Variants in ALPK2 observed in about 807,000 individuals in gnomAD.
ALPK2 encodes the protein alpha kinase 2.
A neutral mutation model predicts 163.1 loss-of-function variants in ALPK2; 127 were observed. The observed-to-expected ratio is 0.78, with a 90% CI of 0.67 to 0.90. The LOEUF (loss-of-function observed/expected upper bound fraction) is 0.90, where lower values mean the gene tolerates loss of function less well. Ranked by LOEUF, ALPK2 falls within the 40% of genes least tolerant of loss-of-function variation. ALPK2 has a pLI of 0.00. For missense variants in ALPK2, 2,360 were observed against 2,589.6 expected (o/e 0.91, Z 1.92); for synonymous variants, 953 against 959.1 (o/e 0.99, Z 0.12).
intron 12 of ALPK2, among the ~76,000 whole-genome samples, chr18:58,484,874 A>G (rs1023570478): frequency 9.2e-5 from 14 of 152,204 alleles, no homozygotes; most frequent in Non-Finnish European, 1.6e-4. Flanking sequence ...TCGTGTTGTT[A>G]TAATTATCAA....
chr18:58,534,562 T>A (rs567183092), intron 5 of ALPK2, among the ~76,000 whole-genome samples: 44 of 152,226 alleles, frequency 2.9e-4, no homozygotes, highest in Non-Finnish European at 5.0e-4. Context: ...CCTTTATCAG[T>A]GGTTCTCAAT....
At chr18:58,538,286 A>C in intron 4 of ALPK2, 62 bp from the exon 5 acceptor site, 2 of 1,406,680 alleles carry the variant, frequency 1.4e-6, no homozygotes, top group Non-Finnish European at 1.9e-6. Flanking sequence ...ATAGGGCATA[A>C]CTGCAATCCC....
At chr18:58,534,481 T>C (rs1424376854) in intron 5 of ALPK2, among the ~76,000 whole-genome samples, 1 of 152,250 alleles carries the variant, frequency 6.6e-6, no homozygotes, top group African/African-American at 2.4e-5. Flanking sequence ...AAATAGATTT[T>C]GTAAAAGAGG....
intron 9 of ALPK2, 104 bp downstream of exon 9, chr18:58,516,804 C>T: frequency 1.5e-6 from 2 of 1,339,504 alleles, no homozygotes; most frequent in African/African-American, 1.5e-5. Context: ...AGGAAAAACA[C>T]CCTTTTGAAG....
intron 10 of ALPK2, among the ~76,000 whole-genome samples, chr18:58,504,522 C>T (rs1259258210): frequency 6.6e-6 from 1 of 152,214 alleles, no homozygotes; most frequent in Non-Finnish European, 1.5e-5. Context: ...ATCCTTCCTT[C>T]CTTTCATCCA....
intron 12 of ALPK2, among the ~76,000 whole-genome samples, chr18:58,488,501 CA>C (rs1184232940): frequency 6.7e-6 from 1 of 149,004 alleles, no homozygotes; most frequent in African/African-American, 2.5e-5. Flanking sequence ...ACCTGGAGAG[CA>C]GGGGTGGAGG....
intron 1 of ALPK2, among the ~76,000 whole-genome samples, chr18:58,624,772 G>C (rs559885119): frequency 2.6e-5 from 4 of 152,098 alleles, no homozygotes; most frequent in Non-Finnish European, 5.9e-5. Context: ...TTTCTTTGTT[G>C]CTTCTAGAAG....
chr18:58,573,244 G>GTGTATATA (rs1248418389), intron 4 of ALPK2, among the ~76,000 whole-genome samples: 2 of 143,756 alleles, frequency 1.4e-5, no homozygotes, highest in African/African-American at 2.6e-5. Flanking sequence ...GTGTATATAT[G>GTGTATATA]TGTATATATG....
At chr18:58,571,915 G>A (rs1397935567) in intron 4 of ALPK2, among the ~76,000 whole-genome samples, 2 of 142,094 alleles carry the variant, frequency 1.4e-5, no homozygotes, top group Non-Finnish European at 3.0e-5. Flanking sequence ...GGCGGAGGTT[G>A]CAGTCAGCCA....
intron 6 of ALPK2, 169 bp downstream of exon 6, chr18:58,528,922 C>G: frequency 1.2e-6 from 1 of 814,044 alleles, no homozygotes; most frequent in Non-Finnish European, 1.9e-6. Flanking sequence ...TTTTCCCCAT[C>G]CAGACACTTG....
chr18:58,528,325 A>T (rs914321645), intron 6 of ALPK2, among the ~76,000 whole-genome samples: 3 of 152,182 alleles, frequency 2.0e-5, no homozygotes, highest in Non-Finnish European at 4.4e-5. Flanking sequence ...TGAGGCCAGG[A>T]GTTCAAGACC....
Position 58,580,076 on chromosome 18 carries a change from T to C in ALPK2, c.700A>G (p.Thr234Ala). Residue 234 changes from threonine (T) to alanine (A), a missense_variant, in exon 4 of 13, where the codon ACA (threonine) becomes GCA (alanine). Physicochemically the swap from Thr to Ala is moderately conservative, Grantham distance 58 (BLOSUM62 0). Coordinates refer to ENST00000361673, the MANE Select transcript of ALPK2 (RefSeq NM_052947.4). ...YEKQDRCCHK[T>A]VHSMASKFTD... ...AACTTTGATGCCATGGAATGCACTG[T>C]CTTGTGGCAACATCTGTCTTGTTTT... The C allele has an allele frequency of 6.2e-7, 1 of 1,614,270 alleles. No individual in the cohort carries two copies. Among genetic ancestry groups the C allele is most frequent in the Non-Finnish European group, 8.5e-7 (1 of 1,180,050 alleles).
Position 58,535,863 on chromosome 18 carries a change from C to T in ALPK2, c.4324G>A (p.Gly1442Ser). Residue 1442 changes from glycine (G) to serine (S), a missense_variant, in exon 5 of 13, where the codon GGC (glycine) becomes AGC (serine). By Grantham distance (56) the Gly-to-Ser change is moderately conservative. Coordinates refer to ENST00000361673, the MANE Select transcript of ALPK2 (RefSeq NM_052947.4). The stretch of plus-strand genomic sequence containing the variant: ...GCCGGCTGGATTTCCGCTTCGTGGC[C>T]CATGTTTCCGTCATTTGATTGACCC... ...EGGQSNDGNMGHEAEIQPAIL... is the reference protein window; with the variant it reads ...EGGQSNDGNMSHEAEIQPAIL... The T allele has an allele frequency of 6.2e-7, 1 of 1,614,200 alleles. No homozygotes were observed. The highest frequency in any genetic ancestry group is 1.1e-5 in the South Asian group (1 of 91,086).
chr18:58,608,811 G>A (rs2052111753), intron 2 of ALPK2, among the ~76,000 whole-genome samples: 1 of 152,080 alleles, frequency 6.6e-6, no homozygotes, highest in African/African-American at 2.4e-5. Context: ...AGTTATTTGG[G>A]TGTGGTGGTG....
Position 58,517,151 on chromosome 18 carries a change from G to A in ALPK2, c.5697C>T (p.Ile1899=), listed in dbSNP as rs1446630999. 1 of 1,614,138 alleles carries A rather than the reference G, an allele frequency of 6.2e-7. No homozygotes were observed. The highest frequency in any genetic ancestry group is 1.7e-5 in the Admixed American group (1 of 60,024). Residue 1899 remains isoleucine, a synonymous_variant, in exon 9 of 13, where the codon ATC becomes ATT. Coordinates refer to ENST00000361673, the MANE Select transcript of ALPK2 (RefSeq NM_052947.4). ...TGTCATGGAGGAAGTCTTCTTTGAA[G>A]ATGAGTTGGCTGAATTCAATCTCTT... ...GCEEIEFSQL[I]FKEDFLHDSY...
intron 4 of ALPK2, among the ~76,000 whole-genome samples, chr18:58,574,174 C>G (rs2051906325): frequency 6.6e-6 from 1 of 151,944 alleles, no homozygotes; most frequent in African/African-American, 2.4e-5. Context: ...CTGGTTGCGG[C>G]AGCTCACGCC....
At chr18:58,570,849 G>T (rs2051882097) in intron 4 of ALPK2, among the ~76,000 whole-genome samples, 1 of 152,108 alleles carries the variant, frequency 6.6e-6, no homozygotes, top group Non-Finnish European at 1.5e-5. Flanking sequence ...CTTTAGTTCA[G>T]CTGGGTTTGA....
chr18:58,504,431 A>T (rs2051451020), intron 10 of ALPK2, among the ~76,000 whole-genome samples: 1 of 152,186 alleles, frequency 6.6e-6, no homozygotes, highest in South Asian at 2.1e-4. Flanking sequence ...CAATGACTAT[A>T]ATCTGTATAT....
intron 1 of ALPK2, among the ~76,000 whole-genome samples, chr18:58,620,058 A>C (rs2052190169): frequency 6.6e-6 from 1 of 152,240 alleles, no homozygotes; most frequent in Admixed American, 6.5e-5. Flanking sequence ...TGGGAGGCTG[A>C]GGTGGGCAGA....
Sources: gnomAD v4.1 joint callset for allele counts (sites outside exome capture counted in the v4.1 genomes callset) on GRCh38, gnomAD v4.1.1 for gene constraint, MANE v1.5 for transcripts, NCBI Gene and HGNC (gene_info 2026-07-23, HGNC 2026-07-21) for gene names.